MALAT1: variants seen among roughly 807,000 people sequenced by gnomAD.
MALAT1 encodes the protein hepcarcin.
exon 3 of MALAT1, chr11:65,500,773 C>T (rs774858310): frequency 1.2e-5 from 6 of 518,782 alleles, no homozygotes; most frequent in Admixed American, 7.8e-5. Flanking sequence ...GGTAAAAATC[C>T]GTGAGGTCGG....
exon 3 of MALAT1, chr11:65,500,076 A>G (rs1183632389): frequency 4.4e-6 from 2 of 453,672 alleles, no homozygotes; most frequent in South Asian, 3.2e-5. Flanking sequence ...AAAGCTTGAG[A>G]AGATGAGGGT....
chr11:65,499,144 A>T (rs11547520), exon 3 of MALAT1: 1 of 514,700 alleles, frequency 1.9e-6, no homozygotes, highest in Non-Finnish European at 3.9e-6. Context: ...ATAGAGATTA[A>T]TACAACTACT....
At chr11:65,505,418 T>C (rs767639357) in intron 3 of MALAT1, 7 of 514,606 alleles carry the variant, frequency 1.4e-5, no homozygotes, top group Non-Finnish European at 1.2e-5. Context: ...GCTGTTTTTA[T>C]AGCAGCTCTT....
intron 3 of MALAT1, chr11:65,505,802 A>G (rs775749382): frequency 3.9e-6 from 2 of 510,190 alleles, no homozygotes; most frequent in East Asian, 5.5e-5. Context: ...ACTAAAACCA[A>G]CTTAAACCAG....
intron 3 of MALAT1, chr11:65,504,991 T>C: frequency 1.9e-6 from 1 of 518,886 alleles, no homozygotes; most frequent in Non-Finnish European, 3.8e-6. Context: ...TCCAGTTGAA[T>C]TCACCAGTGG....
exon 3 of MALAT1, chr11:65,503,063 G>T: frequency 2.0e-6 from 1 of 510,444 alleles, no homozygotes; most frequent in East Asian, 5.5e-5. Flanking sequence ...AGATGAGTTG[G>T]GATCAAGTGG....
exon 3 of MALAT1, chr11:65,499,179 T>C: frequency 2.0e-6 from 1 of 507,500 alleles, no homozygotes; most frequent in Non-Finnish European, 3.9e-6. Context: ...AATAGGTTAC[T>C]AAGATATTGC....
At chr11:65,505,928 A>C (rs1473665925) in intron 3 of MALAT1, 2 of 433,944 alleles carry the variant, frequency 4.6e-6, no homozygotes, top group South Asian at 3.5e-5. Context: ...GGAATGCAAA[A>C]ATTCTCTGCT....
At chr11:65,503,197 T>G (rs1299760318) in exon 3 of MALAT1, 2 of 512,760 alleles carry the variant, frequency 3.9e-6, no homozygotes, top group Non-Finnish European at 7.8e-6. Flanking sequence ...AACAGATAAG[T>G]TTAACTTGCA....
At chr11:65,504,069 CTA>C in intron 3 of MALAT1, 1 of 518,044 alleles carries the variant, frequency 1.9e-6, no homozygotes, top group East Asian at 5.4e-5. Context: ...ATGTTTTACA[CTA>C]TTGACCTTAT....
chr11:65,499,742 A>G (rs1447133252), exon 3 of MALAT1: 2 of 433,056 alleles, frequency 4.6e-6, no homozygotes, highest in Non-Finnish European at 9.0e-6. Context: ...ACATACTTTT[A>G]GAAGAAAAAA....
exon 3 of MALAT1, chr11:65,500,208 G>A: frequency 1.9e-6 from 1 of 513,664 alleles, no homozygotes; most frequent in Non-Finnish European, 3.9e-6. Flanking sequence ...AAGGCAGAAG[G>A]CTTTTGGAAG....
chr11:65,499,437 C>CTG (rs1854486929), exon 3 of MALAT1: 4 of 474,156 alleles, frequency 8.4e-6, no homozygotes, highest in Non-Finnish European at 1.7e-5. Context: ...ACTTAAACAG[C>CTG]TTAAAGTTTA....
intron 3 of MALAT1, chr11:65,504,704 G>A: frequency 1.9e-6 from 1 of 518,992 alleles, no homozygotes; most frequent in South Asian, 1.4e-5. Flanking sequence ...ACAAGCAACA[G>A]TCTTCAAGAA....
At chr11:65,504,844 C>T (rs1260076148) in intron 3 of MALAT1, 3 of 518,774 alleles carry the variant, frequency 5.8e-6, no homozygotes, top group East Asian at 5.4e-5. Flanking sequence ...CACACGTATG[C>T]GAAGGGCCAG....
intron 1 of MALAT1, chr11:65,498,237 G>C (rs376877028): frequency 5.8e-6 from 3 of 518,790 alleles, no homozygotes; most frequent in Non-Finnish European, 1.2e-5. Context: ...ACTTTAAAAG[G>C]CCACTTGAAC....
exon 3 of MALAT1, chr11:65,502,035 C>G (rs182318143): frequency 3.9e-6 from 2 of 516,374 alleles, no homozygotes; most frequent in Admixed American, 3.9e-5. Context: ...AGTTTTTTTC[C>G]CCCCAGTTTG....
At chr11:65,502,098 T>C (rs750090620) in exon 3 of MALAT1, 1 of 516,084 alleles carries the variant, frequency 1.9e-6, no homozygotes, top group East Asian at 5.5e-5. Flanking sequence ...ACCAGTGCAT[T>C]AATTTGGGCA....
chr11:65,506,382 T>A (rs773311491), exon 4 of MALAT1: 1 of 431,440 alleles, frequency 2.3e-6, no homozygotes, highest in Non-Finnish European at 4.5e-6. Flanking sequence ...CTTGTCTTTT[T>A]CAGGTAATAG....
Sources: allele counts gnomAD v4.1 joint callset, GRCh38; gene constraint gnomAD v4.1.1; transcripts MANE v1.5; gene names NCBI Gene and HGNC (gene_info 2026-07-23, HGNC 2026-07-21).